Variants in CEP20 observed in about 807,000 individuals in gnomAD.
CEP20 encodes FGFR1OP N-terminal like.
CEP20 carries 18 observed loss-of-function variants against 20.0 expected under a neutral mutation model. That is an observed-to-expected ratio of 0.90 (90% CI 0.62 to 1.34). CEP20 has a LOEUF of 1.34. Ranked by LOEUF, CEP20 falls within the 40% of genes most tolerant of loss-of-function variation. CEP20 has a pLI of 0.00. For missense variants in CEP20, 215 were observed against 201.6 expected (o/e 1.07, Z -0.40); for synonymous variants, 77 against 73.7 (o/e 1.04, Z -0.23).
chr16:15,888,441 A>G, intron 1 of CEP20, 117 bp downstream of exon 1: 1 of 1,371,488 alleles, frequency 7.3e-7, no homozygotes, highest in African/African-American at 1.4e-5. Flanking sequence ...CTCACACCGA[A>G]GAATGACGCC....
chr16:15,884,658 C>T (rs905493739), intron 1 of CEP20, among the ~76,000 whole-genome samples: 5 of 152,106 alleles, frequency 3.3e-5, no homozygotes, highest in Middle Eastern at 3.2e-3. Flanking sequence ...CGTGCCACCA[C>T]GCCCAACTAT....
chr16:15,877,476 A>G (rs1217536978), intron 3 of CEP20, among the ~76,000 whole-genome samples: 1 of 152,180 alleles, frequency 6.6e-6, no homozygotes, highest in Non-Finnish European at 1.5e-5. Flanking sequence ...TACTTTTCAA[A>G]ACACTTGTTA....
chr16:15,867,145 T>C lies in CEP20; in HGVS notation c.*295A>G, dbSNP rs2044699510. ...ATCACTTGAATCCGGGAGGCAGAGA[T>C]TGCAGTGAGCCGAGATCGTGCCACT... On this transcript the variant is annotated 3_prime_UTR_variant, in exon 5 of 5. Coordinates refer to ENST00000255759, the MANE Select transcript of CEP20 (RefSeq NM_144600.4). The C allele has an allele frequency of 1.5e-5, 3 of 202,704 alleles. No individual in the cohort carries two copies. Among genetic ancestry groups the C allele is most frequent in the South Asian group, 1.0e-4 (1 of 9,602 alleles). The allele number at this position is 202,704 out of a possible 1,614,324, so 12.6% of individuals were successfully genotyped here.
chr16:15,881,216 A>C (rs2151428936), intron 2 of CEP20, among the ~76,000 whole-genome samples: 1 of 152,184 alleles, frequency 6.6e-6, no homozygotes, highest in Non-Finnish European at 1.5e-5. Context: ...TAAAAGGTAA[A>C]TTTTATTGTA....
At chr16:15,879,985 G>T (rs2045061941) in intron 2 of CEP20, 97 bp from the exon 3 acceptor site, 2 of 800,090 alleles carry the variant, frequency 2.5e-6, no homozygotes, top group South Asian at 3.2e-5. Flanking sequence ...ACACTTTTTA[G>T]ATTTTGGAAG....
At chr16:15,873,680 C>T (rs1018625321) in intron 3 of CEP20, 53 bp from the exon 4 acceptor site, 123 of 1,543,346 alleles carry the variant, frequency 8.0e-5, no homozygotes, top group Admixed American at 2.3e-4. Flanking sequence ...TCTGCATAAA[C>T]GGGAAAAGCT....
intron 2 of CEP20, among the ~76,000 whole-genome samples, chr16:15,882,463 G>A (rs1187988877): frequency 1.3e-5 from 2 of 152,004 alleles, no homozygotes. Flanking sequence ...CCAGGAGGTA[G>A]ACGTTGCAGT....
intron 3 of CEP20, among the ~76,000 whole-genome samples, chr16:15,873,871 C>T (rs1026029601): frequency 1.3e-5 from 2 of 148,978 alleles, no homozygotes; most frequent in African/African-American, 5.0e-5. Context: ...ACTTAAACCT[C>T]ATCTACACTG....
At chr16:15,868,056 T>A (rs1371956700) in intron 4 of CEP20, among the ~76,000 whole-genome samples, 1 of 152,028 alleles carries the variant, frequency 6.6e-6, no homozygotes, top group African/African-American at 2.4e-5. Context: ...TCTTGACTTT[T>A]TTTTTGAGTA....
intron 2 of CEP20, among the ~76,000 whole-genome samples, chr16:15,882,082 A>G (rs2045111192): frequency 1.3e-5 from 2 of 152,080 alleles, no homozygotes; most frequent in African/African-American, 4.8e-5. Flanking sequence ...TCTCATGAGA[A>G]CAGGTCATTT....
intron 1 of CEP20, chr16:15,885,961 T>G (rs2045236430): frequency 1.3e-5 from 2 of 152,222 alleles, no homozygotes; most frequent in Non-Finnish European, 2.9e-5. Context: ...GATCTGCAAC[T>G]TTTATTTTCA....
rs1249441997 is a variant in CEP20, at chr16:15,870,925, A to G, written c.448+2566T>C. Among the ~76,000 whole-genome samples, 7 of 152,214 alleles carry G rather than the reference A, an allele frequency of 4.6e-5. 1 individual carries two copies. Among genetic ancestry groups the G allele is most frequent in the African/African-American group, 7.2e-5 (3 of 41,458 alleles). On this transcript the variant is annotated intron_variant, in intron 4 of 4. Coordinates refer to ENST00000255759, the MANE Select transcript of CEP20 (RefSeq NM_144600.4). ...AGCAAATTGCAGGATAACGTGCACC[A>G]TAACAATGTATATATATTTAAATAC... is the stretch of plus-strand genomic sequence containing the variant.
chr16:15,874,611 CAATT>C (rs2151423435), intron 3 of CEP20, among the ~76,000 whole-genome samples: 1 of 151,770 alleles, frequency 6.6e-6, no homozygotes, highest in East Asian at 2.0e-4. Context: ...TTTGAAAACA[CAATT>C]AAAAGGATTT....
At chr16:15,878,791 G>A (rs1035342688) in intron 3 of CEP20, among the ~76,000 whole-genome samples, 2 of 151,982 alleles carry the variant, frequency 1.3e-5, no homozygotes, top group Non-Finnish European at 2.9e-5. Flanking sequence ...GAGCCACCAC[G>A]TCTGGCTAGA....
intron 4 of CEP20, among the ~76,000 whole-genome samples, chr16:15,872,063 C>T (rs1306403683): frequency 6.6e-6 from 1 of 152,104 alleles, no homozygotes; most frequent in Admixed American, 6.6e-5. Context: ...GCCTGTAATC[C>T]CAGCACTTTG....
chr16:15,873,904 C>T (rs1423820112), intron 3 of CEP20, among the ~76,000 whole-genome samples: 2 of 143,534 alleles, frequency 1.4e-5, no homozygotes, highest in South Asian at 4.2e-4. Flanking sequence ...TATCAATCCA[C>T]AGGAATCTCT....
At chr16:15,872,202 T>C (rs907073934) in intron 4 of CEP20, among the ~76,000 whole-genome samples, 1 of 151,820 alleles carries the variant, frequency 6.6e-6, no homozygotes, top group Non-Finnish European at 1.5e-5. Flanking sequence ...TAGTCCCAGC[T>C]ACTTGGGAGG....
intron 4 of CEP20, among the ~76,000 whole-genome samples, chr16:15,872,111 A>G (rs761833576): frequency 2.3e-4 from 35 of 152,206 alleles, no homozygotes; most frequent in Middle Eastern, 6.8e-3. Flanking sequence ...TCAGGAGATC[A>G]AGACCATCCT....
chr16:15,887,906 C>T (rs1384444486), intron 1 of CEP20, among the ~76,000 whole-genome samples: 3 of 151,556 alleles, frequency 2.0e-5, no homozygotes, highest in Non-Finnish European at 4.4e-5. Flanking sequence ...AGTAAGACCC[C>T]GTGTCTACAA....
Sources: allele counts gnomAD v4.1 joint callset (sites outside exome capture counted in the v4.1 genomes callset), GRCh38; gene constraint gnomAD v4.1.1; transcripts MANE v1.5; gene names NCBI Gene and HGNC (gene_info 2026-07-23, HGNC 2026-07-21).